CHRM5: variants seen among roughly 807,000 people sequenced by gnomAD.
CHRM5 encodes the protein muscarinic acetylcholine receptor M5.
Under a neutral mutation model 39.0 loss-of-function variants are expected in CHRM5, and 18 were observed. The ratio of observed to expected loss-of-function variants is 0.46; its 90% confidence interval spans 0.32 to 0.68. CHRM5 has a LOEUF of 0.68. Among genes scored for constraint, CHRM5 ranks in the 30% least tolerant of loss-of-function variants. The probability of loss-of-function intolerance (pLI) is 0.04; values close to 1 mark genes in which losing one functional copy is unlikely to be tolerated. For missense variants in CHRM5, 515 were observed against 651.1 expected (o/e 0.79, Z 2.28); for synonymous variants, 241 against 246.3 (o/e 0.98, Z 0.20).
chr15:33,998,992 TC>T (rs1464688817), intron 1 of CHRM5, among the ~76,000 whole-genome samples: 1 of 152,252 alleles, frequency 6.6e-6, no homozygotes, highest in Non-Finnish European at 1.5e-5. Flanking sequence ...CATTCCTCTA[TC>T]CAGCAGCCTG....
chr15:33,996,845 T>C (rs1437945990), intron 1 of CHRM5, among the ~76,000 whole-genome samples: 1 of 152,176 alleles, frequency 6.6e-6, no homozygotes, highest in East Asian at 1.9e-4. Context: ...CAAAGCTGGA[T>C]GGAGAATGAC....
intron 1 of CHRM5, among the ~76,000 whole-genome samples, chr15:34,005,896 T>G (rs1378920391): frequency 2.0e-5 from 3 of 152,228 alleles, no homozygotes; most frequent in Admixed American, 6.5e-5. Flanking sequence ...ATCTAGGGAC[T>G]GCAAAGACTG....
At chr15:34,045,083 T>G (rs1567486648) in intron 1 of CHRM5, among the ~76,000 whole-genome samples, 2 of 152,134 alleles carry the variant, frequency 1.3e-5, no homozygotes, top group African/African-American at 4.8e-5. Context: ...TAAAGTAATT[T>G]AATGACCTCA....
chr15:34,028,707 A>G (rs955200385), intron 1 of CHRM5, among the ~76,000 whole-genome samples: 11 of 152,158 alleles, frequency 7.2e-5, no homozygotes, highest in African/African-American at 2.4e-4. Context: ...AGATATCCTT[A>G]ATCACCTTTC....
intron 2 of CHRM5, among the ~76,000 whole-genome samples, chr15:34,049,028 A>AC (rs1899831808): frequency 6.6e-6 from 1 of 152,116 alleles, no homozygotes; most frequent in Non-Finnish European, 1.5e-5. Context: ...AACAGAAAAG[A>AC]CCCCACAAAA....
chr15:33,996,289 A>C (rs1322644892), intron 1 of CHRM5, among the ~76,000 whole-genome samples: 1 of 151,844 alleles, frequency 6.6e-6, no homozygotes, highest in East Asian at 1.9e-4. Context: ...ACTTCTGCAG[A>C]CTTAAACGTC....
rs536254744 is a variant in CHRM5, at chr15:33,987,859, C to T, written c.-408+18709C>T. 2.6e-5 allele frequency among the ~76,000 whole-genome samples: 4 copies of T among 152,328 alleles called. No individual in the cohort carries two copies. The South Asian group carries it at 8.3e-4, about 32-fold the overall frequency. Reference sequence around the variant, plus strand: ...GATCACACCCTGGATGCCTAGGAAGCTTTCTGGCCCCATGGAAAACCCTAA... The same window carrying T: ...GATCACACCCTGGATGCCTAGGAAGTTTTCTGGCCCCATGGAAAACCCTAA... On this transcript the variant is annotated intron_variant, in intron 1 of 2. Transcript: ENST00000383263.
At position 34,062,554 on chromosome 15, in the gene CHRM5, C is replaced by CAAAAA. The variant is rs10632153; in HGVS notation, c.-75-73_-75-69dup. 1,977 of 409,036 alleles carry CAAAAA rather than the reference C, an allele frequency of 4.8e-3. 1 individual carries two copies. Among genetic ancestry groups the CAAAAA allele is most frequent in the Non-Finnish European group, 5.8e-3 (1,445 of 249,578 alleles). 25.3% of individuals were successfully genotyped at this position (409,036 alleles called of 1,614,324 possible). On this transcript the variant is annotated intron_variant, in intron 2 of 2. Transcript: ENST00000383263. ...TGGGTGACAAAGCGAGATTCTGTCTCAAAAAAAAAAAAAAAAAAAACTATA... is the reference window on the plus strand; with the variant it reads ...TGGGTGACAAAGCGAGATTCTGTCTCAAAAAAAAAAAAAAAAAAAAAAAAACTATA...
At chr15:34,037,122 A>T (rs76563931) in intron 1 of CHRM5, among the ~76,000 whole-genome samples, 73,961 of 150,824 alleles carry the variant, frequency 0.49, 21,034 homozygotes, top group Non-Finnish European at 0.64. Flanking sequence ...AAAAAAAAAA[A>T]AAATATATAC....
rs933639167 is a variant in CHRM5, at chr15:34,046,608, C to A, written c.-339C>A. On this transcript the variant is annotated 5_prime_UTR_variant, in exon 2 of 3. Transcript: ENST00000383263. Reference sequence around the variant, plus strand: ...ACATGGATCAGTAGCATCAAGAATACTCAGGAGCTTTTCAGAAATGTGCAA... The same window carrying A: ...ACATGGATCAGTAGCATCAAGAATAATCAGGAGCTTTTCAGAAATGTGCAA... 7.9e-5 allele frequency: 12 copies of A among 152,286 alleles called. No individual in the cohort carries two copies. The highest frequency in any genetic ancestry group is 2.9e-4 in the African/African-American group (12 of 41,570). 9.4% of individuals were successfully genotyped at this position (152,286 alleles called of 1,614,324 possible). A position where few individuals can be genotyped will look rare whatever the true frequency, so the allele number is the denominator to read the frequency against.
At chr15:34,025,394 G>A (rs1267918501) in intron 1 of CHRM5, among the ~76,000 whole-genome samples, 2 of 152,162 alleles carry the variant, frequency 1.3e-5, no homozygotes, top group Non-Finnish European at 2.9e-5. Flanking sequence ...GCAGGAAGCA[G>A]GCAGCTGAGA....
chr15:34,036,501 C>T (rs1199072807), intron 1 of CHRM5, among the ~76,000 whole-genome samples: 1 of 151,952 alleles, frequency 6.6e-6, no homozygotes, highest in Non-Finnish European at 1.5e-5. Context: ...GATATGAGAA[C>T]AAGAAGGCTT....
At chr15:34,047,370 C>T (rs1899745073) in intron 2 of CHRM5, among the ~76,000 whole-genome samples, 1 of 152,140 alleles carries the variant, frequency 6.6e-6, no homozygotes, top group Non-Finnish European at 1.5e-5. Flanking sequence ...AGCCACCGTG[C>T]CCGGCGGAGA....
At chr15:34,041,911 A>C (rs895347064) in intron 1 of CHRM5, among the ~76,000 whole-genome samples, 2 of 152,212 alleles carry the variant, frequency 1.3e-5, no homozygotes, top group Non-Finnish European at 2.9e-5. Flanking sequence ...AGATGCCCTC[A>C]GAAGTCCGGG....
At chr15:33,976,170 A>T (rs1427879193) in intron 1 of CHRM5, among the ~76,000 whole-genome samples, 1 of 152,206 alleles carries the variant, frequency 6.6e-6, no homozygotes. Flanking sequence ...TAAAAGAGGA[A>T]ATATGATCTT....
intron 1 of CHRM5, among the ~76,000 whole-genome samples, chr15:33,978,599 G>A (rs1314603316): frequency 1.3e-5 from 2 of 152,012 alleles, no homozygotes; most frequent in Non-Finnish European, 2.9e-5. Flanking sequence ...GGAGGCAGAG[G>A]TTGCAATTAG....
chr15:33,978,385 C>T (rs1895983840), intron 1 of CHRM5, among the ~76,000 whole-genome samples: 1 of 152,086 alleles, frequency 6.6e-6, no homozygotes, highest in African/African-American at 2.4e-5. Flanking sequence ...GCGTACAGGC[C>T]GGGCACGATG....
At chr15:34,028,927 G>T (rs932018161) in intron 1 of CHRM5, among the ~76,000 whole-genome samples, 3 of 151,930 alleles carry the variant, frequency 2.0e-5, no homozygotes, top group Non-Finnish European at 4.4e-5. Context: ...AGAAAGTAAG[G>T]CAAAAAGCAG....
At position 34,065,868 on chromosome 15, in the gene CHRM5, A is replaced by G. The variant is rs1427627931; in HGVS notation, c.*1552A>G. On this transcript the variant is annotated 3_prime_UTR_variant, in exon 3 of 3. Coordinates refer to ENST00000383263, the MANE Select transcript of CHRM5 (RefSeq NM_012125.4). Reference sequence around the variant, plus strand: ...ACATCTGCAGCTGGACTTAAAAATCACCAGACTTCATGCGTCTTAGTGTAG... The same window carrying G: ...ACATCTGCAGCTGGACTTAAAAATCGCCAGACTTCATGCGTCTTAGTGTAG... The G allele has an allele frequency of 1.3e-5, 2 of 152,236 alleles. No individual in the cohort carries two copies. Among genetic ancestry groups the G allele is most frequent in the African/African-American group, 4.8e-5 (2 of 41,460 alleles). The allele number at this position is 152,236 out of a possible 1,614,324, so 9.4% of individuals were successfully genotyped here. A position where few individuals can be genotyped will look rare whatever the true frequency, so the allele number is the denominator to read the frequency against.
Sources: allele counts gnomAD v4.1 joint callset (sites outside exome capture counted in the v4.1 genomes callset), GRCh38; gene constraint gnomAD v4.1.1; transcripts MANE v1.5; gene names NCBI Gene and HGNC (gene_info 2026-07-23, HGNC 2026-07-21).